Variants in QKI observed in about 807,000 individuals in gnomAD.
The protein encoded by QKI is QKI, KH domain containing RNA binding.
In QKI, 10 loss-of-function variants were observed where a neutral mutation model predicts 39.0. That is an observed-to-expected ratio of 0.26 (90% CI 0.16 to 0.43). The LOEUF (loss-of-function observed/expected upper bound fraction) is 0.43. Ranked by LOEUF, QKI falls within the 20% of genes least tolerant of loss-of-function variation. The pLI, the probability that QKI is intolerant of heterozygous loss-of-function variation, is 1.00. For missense variants in QKI, 218 were observed against 428.0 expected, an observed-to-expected ratio of 0.51 and a Z score of 4.33; for synonymous variants, 204 against 155.4, an observed-to-expected ratio of 1.31 and a Z score of -2.33.
chr6:163,535,616 A>G (rs1249637883), intron 4 of QKI, among the ~76,000 whole-genome samples: 2 of 151,940 alleles, frequency 1.3e-5, no homozygotes, highest in Non-Finnish European at 2.9e-5. Flanking sequence ...CTATATGGAA[A>G]TGTGGACCCT....
intron 4 of QKI, among the ~76,000 whole-genome samples, chr6:163,537,785 A>T (rs999610833): frequency 3.9e-5 from 6 of 152,076 alleles, no homozygotes; most frequent in African/African-American, 1.4e-4. Context: ...CCTACTTCAA[A>T]CCATGCTTGT....
chr6:163,449,242 G>C (rs1790375413), intron 1 of QKI, among the ~76,000 whole-genome samples: 1 of 152,100 alleles, frequency 6.6e-6, no homozygotes, highest in African/African-American at 2.4e-5. Context: ...TGTATTTTAT[G>C]TATATCAAAT....
chr6:163,468,261 T>A (rs553718383), intron 2 of QKI, among the ~76,000 whole-genome samples: 1 of 152,334 alleles, frequency 6.6e-6, no homozygotes, highest in East Asian at 1.9e-4. Context: ...ACACAATATT[T>A]AAAAACATTA....
At chr6:163,496,902 C>T (rs866631041) in intron 3 of QKI, among the ~76,000 whole-genome samples, 3 of 152,158 alleles carry the variant, frequency 2.0e-5, no homozygotes, top group Non-Finnish European at 2.9e-5. Flanking sequence ...TATTTTTCAT[C>T]TTACCATCAA....
intron 3 of QKI, among the ~76,000 whole-genome samples, chr6:163,520,038 T>C (rs1326993411): frequency 6.6e-6 from 1 of 152,162 alleles, no homozygotes; most frequent in African/African-American, 2.4e-5. Context: ...GTGAAACATT[T>C]TAGAGCTGTT....
chr6:163,560,434 A>G (rs931907045), intron 4 of QKI, among the ~76,000 whole-genome samples: 2 of 152,170 alleles, frequency 1.3e-5, no homozygotes, highest in African/African-American at 2.4e-5. Context: ...GTGAGGATCT[A>G]CTGTAATCTA....
intron 4 of QKI, among the ~76,000 whole-genome samples, chr6:163,550,449 G>A (rs577734133): frequency 7.1e-4 from 108 of 152,232 alleles, no homozygotes; most frequent in African/African-American, 2.4e-3. Context: ...TAGTAACAAA[G>A]CTACTTTTTC....
intron 2 of QKI, among the ~76,000 whole-genome samples, chr6:163,469,845 T>G (rs1481805996): frequency 6.6e-6 from 1 of 152,190 alleles, no homozygotes; most frequent in African/African-American, 2.4e-5. Flanking sequence ...ATAGATTTTC[T>G]GTTATGTTTC....
At chr6:163,558,058 G>T (rs116649101) in intron 4 of QKI, among the ~76,000 whole-genome samples, 1 of 152,224 alleles carries the variant, frequency 6.6e-6, no homozygotes, top group East Asian at 1.9e-4. Flanking sequence ...GCTCATTCCC[G>T]ATCAAGGTTC....
chr6:163,531,759 C>T (rs1780867030), intron 3 of QKI, among the ~76,000 whole-genome samples: 1 of 152,058 alleles, frequency 6.6e-6, no homozygotes, highest in Non-Finnish European at 1.5e-5. Context: ...CCTGCCTCGG[C>T]CCCCCCAAAG....
chr6:163,483,895 T>G (rs1793268214), intron 3 of QKI, among the ~76,000 whole-genome samples: 1 of 152,254 alleles, frequency 6.6e-6, no homozygotes, highest in Non-Finnish European at 1.5e-5. Context: ...CTGTGGCAGC[T>G]ATAGGCCTAT....
chr6:163,459,693 T>C (rs1192133415), intron 2 of QKI, among the ~76,000 whole-genome samples: 2 of 152,188 alleles, frequency 1.3e-5, no homozygotes, highest in African/African-American at 4.8e-5. Flanking sequence ...AGGTAACAAA[T>C]GTGTGACATC....
At chr6:163,430,168 A>T (rs538314901) in intron 1 of QKI, among the ~76,000 whole-genome samples, 1 of 152,282 alleles carries the variant, frequency 6.6e-6, no homozygotes, top group East Asian at 1.9e-4. Flanking sequence ...AGAGCTTTTT[A>T]TACCTTTGGT....
At chr6:163,465,070 GA>G (rs1303499604) in intron 2 of QKI, among the ~76,000 whole-genome samples, 1 of 152,048 alleles carries the variant, frequency 6.6e-6, no homozygotes, top group Non-Finnish European at 1.5e-5. Context: ...TTAACAGAAT[GA>G]AAAATAAAAA....
chr6:163,443,387 G>T (rs978818375), intron 1 of QKI, among the ~76,000 whole-genome samples: 2 of 152,222 alleles, frequency 1.3e-5, no homozygotes, highest in South Asian at 2.1e-4. Context: ...TGGCCAAGAT[G>T]GTGAAATGCT....
chr6:163,428,265 C>T (rs573692888), intron 1 of QKI, among the ~76,000 whole-genome samples: 1 of 152,268 alleles, frequency 6.6e-6, no homozygotes, highest in African/African-American at 2.4e-5. Context: ...TAGTTTAGTA[C>T]ATCAGATTGA....
chr6:163,428,791 C>G (rs889934854), intron 1 of QKI, among the ~76,000 whole-genome samples: 3 of 150,620 alleles, frequency 2.0e-5, no homozygotes, highest in Admixed American at 2.0e-4. Context: ...AATACTCTTG[C>G]CTTCAGTGAC....
At chr6:163,429,530 T>C (rs1788671945) in intron 1 of QKI, among the ~76,000 whole-genome samples, 1 of 152,230 alleles carries the variant, frequency 6.6e-6, no homozygotes, top group Non-Finnish European at 1.5e-5. Context: ...CTTGCCACTT[T>C]GCTTTCAGGA....
At chr6:163,488,344 AG>A (rs1777814119) in intron 3 of QKI, among the ~76,000 whole-genome samples, 1 of 152,180 alleles carries the variant, frequency 6.6e-6, no homozygotes, top group Non-Finnish European at 1.5e-5. Flanking sequence ...AAAAAGAGAG[AG>A]AGAGAGAAAG....
Sources: gnomAD v4.1 joint callset for allele counts (sites outside exome capture counted in the v4.1 genomes callset) on GRCh38, gnomAD v4.1.1 for gene constraint, MANE v1.5 for transcripts, NCBI Gene and HGNC (gene_info 2026-07-23, HGNC 2026-07-21) for gene names.